Variants in TMCC3 observed in about 807,000 individuals in gnomAD.
The protein encoded by TMCC3 is transmembrane and coiled-coil domain family 3.
A neutral mutation model predicts 40.2 loss-of-function variants in TMCC3; 28 were observed. The observed-to-expected ratio is 0.70, with a 90% CI of 0.52 to 0.95. TMCC3 has a LOEUF of 0.95. Among genes scored for constraint, TMCC3 ranks in the 40% least tolerant of loss-of-function variants. TMCC3 has a pLI of 0.00. For synonymous variants in TMCC3, 255 were observed against 248.5 expected, an observed-to-expected ratio of 1.03 and a Z score of -0.25; for missense variants, 554 against 615.2, an observed-to-expected ratio of 0.90 and a Z score of 1.05.
chr12:94,646,753 TAAA>T (rs1555286789), intron 1 of TMCC3, among the ~76,000 whole-genome samples: 3,206 of 106,828 alleles, frequency 0.03, 79 homozygotes, highest in Admixed American at 0.098. Flanking sequence ...TTTTTTTTTT[TAAA>T]AAACAAATAC....
At chr12:94,634,754 A>C (rs2068951519) in intron 1 of TMCC3, among the ~76,000 whole-genome samples, 1 of 152,226 alleles carries the variant, frequency 6.6e-6, no homozygotes, top group South Asian at 2.1e-4. Flanking sequence ...GACTCACTTT[A>C]ATTTTGGTGC....
At chr12:94,586,617 T>G (rs1305898342) in intron 1 of TMCC3, among the ~76,000 whole-genome samples, 1 of 151,154 alleles carries the variant, frequency 6.6e-6, no homozygotes, top group African/African-American at 2.5e-5. Flanking sequence ...TTTCATATTT[T>G]ACCTTACCAA....
At chr12:94,625,206 C>T (rs1339454273) in intron 1 of TMCC3, among the ~76,000 whole-genome samples, 2 of 150,718 alleles carry the variant, frequency 1.3e-5, no homozygotes, top group African/African-American at 2.4e-5. Context: ...ACTGTATTTC[C>T]AAATAAGGTA....
At chr12:94,586,080 G>A (rs1207405744) in intron 1 of TMCC3, among the ~76,000 whole-genome samples, 1 of 152,256 alleles carries the variant, frequency 6.6e-6, no homozygotes, top group East Asian at 1.9e-4. Flanking sequence ...ACAATTCCAG[G>A]TGAAGATGGC....
chr12:94,603,590 G>C (rs1397741290), intron 1 of TMCC3, among the ~76,000 whole-genome samples: 2 of 152,184 alleles, frequency 1.3e-5, no homozygotes, highest in Non-Finnish European at 2.9e-5. Context: ...GTGCTGCGGA[G>C]GTGAGAAGAG....
Position 94,571,591 on chromosome 12 carries a change from T to A in TMCC3, c.1278A>T (p.Leu426Phe), listed in dbSNP as rs1460977143. Residue 426 changes from leucine to phenylalanine, a missense_variant, in exon 4 of 4, where the codon TTA becomes TTT. Physicochemically the swap from Leu to Phe is conservative, Grantham distance 22. Transcript: ENST00000261226. ...NVILAFMTVI[L>F]VCVSTIAKFV... ...ACTTCGCGATGGTGGACACACACAC[T>A]AAGATGACAGTCATGAAGGCCAGGA... 4 of 1,614,130 alleles carry A rather than the reference T, an allele frequency of 2.5e-6. No homozygotes were observed. Among genetic ancestry groups the A allele is most frequent in the Non-Finnish European group, 3.4e-6 (4 of 1,180,026 alleles).
chr12:94,611,870 G>A (rs1054478929), intron 1 of TMCC3, among the ~76,000 whole-genome samples: 2 of 152,288 alleles, frequency 1.3e-5, no homozygotes, highest in East Asian at 3.9e-4. Context: ...GAAATCCGTG[G>A]ATGTGGAGGG....
chr12:94,638,635 T>C (rs143642948), intron 1 of TMCC3, among the ~76,000 whole-genome samples: 2 of 152,354 alleles, frequency 1.3e-5, no homozygotes, highest in African/African-American at 4.8e-5. Context: ...ATGGGCTTCA[T>C]ATTGTCAGAT....
intron 1 of TMCC3, among the ~76,000 whole-genome samples, chr12:94,590,107 T>A (rs1732377843): frequency 7.5e-6 from 1 of 133,264 alleles, no homozygotes; most frequent in Non-Finnish European, 1.7e-5. Context: ...AATCTATTCT[T>A]TTTTTTTTTT....
chr12:94,574,666 A>G (rs1489094649), intron 3 of TMCC3, among the ~76,000 whole-genome samples: 1 of 152,252 alleles, frequency 6.6e-6, no homozygotes, highest in Non-Finnish European at 1.5e-5. Context: ...GCTACCAACG[A>G]AAAGGATAAA....
chr12:94,573,771 A>G (rs535110188), intron 3 of TMCC3, among the ~76,000 whole-genome samples: 4 of 152,266 alleles, frequency 2.6e-5, no homozygotes, highest in African/African-American at 7.2e-5. Context: ...GACTCACCTC[A>G]GGGCTTCTGC....
At chr12:94,597,060 A>G (rs1199275956) in intron 1 of TMCC3, among the ~76,000 whole-genome samples, 1 of 150,594 alleles carries the variant, frequency 6.6e-6, no homozygotes, top group African/African-American at 2.5e-5. Context: ...CAGGAGGATC[A>G]CTGGAGCCCA....
At chr12:94,587,457 G>A (rs1200742855) in intron 1 of TMCC3, among the ~76,000 whole-genome samples, 4 of 152,202 alleles carry the variant, frequency 2.6e-5, no homozygotes, top group Non-Finnish European at 4.4e-5. Flanking sequence ...GAAACAGACT[G>A]CTTTGGTTTC....
chr12:94,593,235 C>T lies in TMCC3; in HGVS notation c.79-10697G>A, dbSNP rs372364167. 1.8e-3 allele frequency among the ~76,000 whole-genome samples: 267 copies of T among 150,080 alleles called. 4 individuals carry two copies. The highest frequency in any genetic ancestry group is 6.3e-3 in the African/African-American group (256 of 40,780). The stretch of plus-strand genomic sequence containing the variant: ...AAACAAAAAGAGCCAGGCATGGTGG[C>T]GGGTGCCTGTAATCCCAGCTACTCA... On this transcript the variant is annotated intron_variant, in intron 1 of 3. Transcript: ENST00000261226.
intron 1 of TMCC3, among the ~76,000 whole-genome samples, chr12:94,597,839 T>C (rs2068728131): frequency 6.6e-6 from 1 of 152,060 alleles, no homozygotes; most frequent in Non-Finnish European, 1.5e-5. Context: ...AAAAATAAAA[T>C]AATTTCTCTA....
intron 1 of TMCC3, among the ~76,000 whole-genome samples, chr12:94,617,257 G>A: frequency 6.6e-6 from 1 of 152,208 alleles, no homozygotes; most frequent in East Asian, 1.9e-4. Context: ...AAGGGACAGA[G>A]GAAACAGCAC....
At chr12:94,633,044 C>T (rs7132857) in intron 1 of TMCC3, among the ~76,000 whole-genome samples, 34,579 of 151,918 alleles carry the variant, frequency 0.23, 4,505 homozygotes, top group Admixed American at 0.28. Context: ...AGGTGGAAGA[C>T]GCAGTGGGCC....
At chr12:94,606,334 T>C (rs913016280) in intron 1 of TMCC3, among the ~76,000 whole-genome samples, 19 of 152,020 alleles carry the variant, frequency 1.2e-4, no homozygotes, top group African/African-American at 4.3e-4. Flanking sequence ...GGGGCTTCTT[T>C]TTGCCTTGGG....
intron 1 of TMCC3, among the ~76,000 whole-genome samples, chr12:94,588,714 T>C (rs1005723968): frequency 6.6e-6 from 1 of 152,234 alleles, no homozygotes; most frequent in African/African-American, 2.4e-5. Flanking sequence ...TCACTTTAGC[T>C]GAACTCTATT....
Sources: allele counts gnomAD v4.1 joint callset (sites outside exome capture counted in the v4.1 genomes callset), GRCh38; gene constraint gnomAD v4.1.1; transcripts MANE v1.5; gene names NCBI Gene and HGNC (gene_info 2026-07-23, HGNC 2026-07-21).